Variants in RRM2 observed in about 807,000 individuals in gnomAD.
RRM2 encodes the protein ribonucleoside-diphosphate reductase subunit M2.
Under a neutral mutation model 45.9 loss-of-function variants are expected in RRM2, and 6 were observed. The observed-to-expected ratio is 0.13, with a 90% CI of 0.07 to 0.26. The LOEUF (loss-of-function observed/expected upper bound fraction) is 0.26, where lower values mean the gene tolerates loss of function less well. Ranked by LOEUF, RRM2 falls within the 10% of genes least tolerant of loss-of-function variation. The pLI is 1.00. For synonymous variants in RRM2, 177 were observed against 173.0 expected, an observed-to-expected ratio of 1.02 and a Z score of -0.18; for missense variants, 343 against 489.5, an observed-to-expected ratio of 0.70 and a Z score of 2.82.
intron 3 of RRM2, among the ~76,000 whole-genome samples, chr2:10,183,474 G>A (rs959711497): frequency 6.6e-6 from 1 of 152,240 alleles, no homozygotes; most frequent in South Asian, 2.1e-4. Context: ...CCTCCTGGCT[G>A]CCTGCCCCTC....
intron 5 of RRM2, 130 bp downstream of exon 5, chr2:10,124,980 C>G: frequency 1.3e-6 from 1 of 797,186 alleles, no homozygotes; most frequent in South Asian, 1.9e-5. Flanking sequence ...TCCCAGCACC[C>G]GTGGTCATGT....
At chr2:10,145,021 C>T (rs906195917) in intron 3 of RRM2, among the ~76,000 whole-genome samples, 3 of 152,128 alleles carry the variant, frequency 2.0e-5, no homozygotes, top group Admixed American at 6.5e-5. Context: ...GGTGGCCTTT[C>T]CCTTGAAGGG....
chr2:10,190,519 C>T (rs568250476), intron 3 of RRM2, among the ~76,000 whole-genome samples: 15 of 113,412 alleles, frequency 1.3e-4, no homozygotes, highest in South Asian at 3.2e-4. Flanking sequence ...ATAATAATGA[C>T]GGTGGTAATG....
intron 3 of RRM2, among the ~76,000 whole-genome samples, chr2:10,173,631 G>A (rs1663848863): frequency 6.6e-6 from 1 of 152,254 alleles, no homozygotes; most frequent in Non-Finnish European, 1.5e-5. Context: ...TGCCTCAGTA[G>A]AGAAGGAGAG....
In RRM2 at chr2:10,123,832, G is replaced by T; in HGVS notation, c.415G>T (p.Gly139Cys). ...HVLAFFAASD[G>C]IVNENLVERF... ...TCTGGCTTTCTTTGCAGCAAGCGAT[G>T]GCATAGTAAATGAAAACTTGGTGAG... The change falls in exon 4 of 10, where the codon GGC (glycine) becomes TGC (cysteine). Residue 139 changes from glycine (G) to cysteine (C), a missense_variant. Physicochemically the swap from Gly to Cys is radical, Grantham distance 159. This residue lies in a region of RRM2 where 212 missense variants were observed against 368.1 expected (regional missense o/e 0.58). Coordinates refer to ENST00000304567, the MANE Select transcript of RRM2 (RefSeq NM_001034.4). 1 of 1,597,554 alleles carries T rather than the reference G, an allele frequency of 6.3e-7. No homozygotes were observed. Among genetic ancestry groups the T allele is most frequent in the Non-Finnish European group, 8.6e-7 (1 of 1,164,998 alleles).
intron 3 of RRM2, among the ~76,000 whole-genome samples, chr2:10,157,907 A>G (rs1249742862): frequency 1.3e-5 from 2 of 152,180 alleles, no homozygotes; most frequent in South Asian, 4.1e-4. Context: ...TAGAATGCCT[A>G]ATGTTGGAAC....
intron 3 of RRM2, among the ~76,000 whole-genome samples, chr2:10,189,970 T>C (rs1368678830): frequency 6.6e-6 from 1 of 151,102 alleles, no homozygotes; most frequent in Non-Finnish European, 1.5e-5. Context: ...GTGGTAGTGA[T>C]GGTGATGATG....
At chr2:10,178,661 G>A (rs1464108140) in intron 3 of RRM2, among the ~76,000 whole-genome samples, 1 of 152,178 alleles carries the variant, frequency 6.6e-6, no homozygotes, top group Non-Finnish European at 1.5e-5. Flanking sequence ...TTTGGGATTG[G>A]CTTTTTGCAG....
chr2:10,126,256 G>A (rs1014650939), intron 5 of RRM2, among the ~76,000 whole-genome samples: 2 of 150,338 alleles, frequency 1.3e-5, no homozygotes, highest in Admixed American at 1.3e-4. Flanking sequence ...AACAGTCTGG[G>A]AAATGAGTAG....
intron 3 of RRM2, among the ~76,000 whole-genome samples, chr2:10,150,196 C>T (rs1180676932): frequency 1.3e-5 from 2 of 152,034 alleles, no homozygotes; most frequent in Non-Finnish European, 2.9e-5. Flanking sequence ...GCCTGTAATC[C>T]CAGCACTTTG....
chr2:10,152,491 T>A (rs552184936), intron 3 of RRM2, among the ~76,000 whole-genome samples: 18,650 of 138,184 alleles, frequency 0.13, 1,348 homozygotes, highest in Middle Eastern at 0.19. Flanking sequence ...TTTTTTTTTT[T>A]AATTTTTTAT....
intron 3 of RRM2, chr2:10,199,041 A>G (rs1572533136): frequency 6.6e-6 from 1 of 152,106 alleles, no homozygotes; most frequent in South Asian, 2.1e-4. Flanking sequence ...TGCTTTGTCA[A>G]TCCAGACCCT....
intron 3 of RRM2, among the ~76,000 whole-genome samples, chr2:10,146,340 G>A (rs1405440423): frequency 6.6e-6 from 1 of 152,192 alleles, no homozygotes; most frequent in Non-Finnish European, 1.5e-5. Flanking sequence ...GGAAAGACAC[G>A]AACTGATTCA....
chr2:10,156,943 C>T (rs1400028861), intron 3 of RRM2, among the ~76,000 whole-genome samples: 3 of 151,350 alleles, frequency 2.0e-5, no homozygotes, highest in African/African-American at 7.3e-5. Flanking sequence ...AGTGCCCAGC[C>T]AGAGGAACGT....
rs112925229 is a variant in RRM2, at chr2:10,167,802, T to C, written n.482+25427T>C. 1.9e-3 allele frequency among the ~76,000 whole-genome samples: 285 copies of C among 152,286 alleles called. 1 individual carries two copies. Among genetic ancestry groups the C allele is most frequent in the Admixed American group, 4.5e-3 (69 of 15,308 alleles). ...CTGAAGATAACTTGGCCGTTCTGAT[T>C]TCTCTTCCCACACAAGGCCATGGTG... On this transcript the variant is annotated intron_variant and non_coding_transcript_variant, in intron 3 of 3. Coordinates refer to the RRM2 transcript ENST00000381786.
chr2:10,155,442 G>A (rs1176096700), intron 3 of RRM2, among the ~76,000 whole-genome samples: 1 of 152,140 alleles, frequency 6.6e-6, no homozygotes, highest in Non-Finnish European at 1.5e-5. Flanking sequence ...GGAGGGAGGA[G>A]TGGAGGGGAT....
intron 3 of RRM2, among the ~76,000 whole-genome samples, chr2:10,207,586 C>T (rs1664687264): frequency 6.6e-6 from 1 of 152,196 alleles, no homozygotes; most frequent in Non-Finnish European, 1.5e-5. Context: ...TGGGTGCCAT[C>T]ATTTTGCCCA....
upstream of RRM2, among the ~76,000 whole-genome samples, chr2:10,138,177 T>C: frequency 6.6e-6 from 1 of 151,580 alleles, no homozygotes; most frequent in Non-Finnish European, 1.5e-5. Flanking sequence ...ATTTTTTTTT[T>C]TTTTTTTGAG....
In RRM2 at chr2:10,200,474, TATGAGGCCCACAGGCACC is replaced by T. The variant is rs1284023395; in HGVS notation, n.483-9836_483-9819del. On this transcript the variant is annotated intron_variant and non_coding_transcript_variant, in intron 3 of 3. Transcript: ENST00000381786. ...GCCCACAGGGACCGCGCGCGCAAAA[TATGAGGCCCACAGGCACC>T]GCGCACACAAAATATGAGGCCCACA... Among the ~76,000 whole-genome samples, 33 of 60,368 alleles carry T rather than the reference TATGAGGCCCACAGGCACC, an allele frequency of 5.5e-4. 6 individuals carry two copies. The highest frequency in any genetic ancestry group is 3.7e-4 in the Non-Finnish European group (10 of 27,280). The allele number at this position is 60,368 out of a possible 152,430, so 39.6% of individuals were successfully genotyped here.
Sources: gnomAD v4.1 joint callset for allele counts (sites outside exome capture counted in the v4.1 genomes callset) on GRCh38, gnomAD v4.1.1 for gene constraint, gnomAD v4.1.1 regional missense constraint, MANE v1.5 for transcripts, NCBI Gene and HGNC (gene_info 2026-07-23, HGNC 2026-07-21) for gene names.